The following SRPK2 variants were observed in gnomAD, a reference collection of about 807,000 sequenced individuals.
SRPK2 encodes SFRS protein kinase 2.
SRPK2 carries 21 observed loss-of-function variants against 90.8 expected under a neutral mutation model. The ratio of observed to expected loss-of-function variants is 0.23; its 90% CI spans 0.16 to 0.33. The LOEUF (loss-of-function observed/expected upper bound fraction) is 0.33, where lower values mean the gene tolerates loss of function less well. SRPK2 is among the 10% of genes least tolerant of loss of function. The probability of loss-of-function intolerance (pLI) is 1.00; values close to 1 mark genes in which losing one functional copy is unlikely to be tolerated. For missense variants in SRPK2, 620 were observed against 869.0 expected (o/e 0.71, Z 3.60); for synonymous variants, 288 against 311.1 (o/e 0.93, Z 0.78).
At chr7:105,301,380 G>A (rs1350310664) in intron 2 of SRPK2, 1 of 606,550 alleles carries the variant, frequency 1.6e-6, no homozygotes, top group African/African-American at 1.9e-5. Flanking sequence ...CGCACGATTG[G>A]CACCTGCCAG....
intron 15 of SRPK2, among the ~76,000 whole-genome samples, chr7:105,121,406 A>G (rs976284227): frequency 1.3e-5 from 2 of 152,148 alleles, no homozygotes; most frequent in Non-Finnish European, 2.9e-5. Context: ...AAGAAAATAT[A>G]TGAAGATGTG....
intron 2 of SRPK2, among the ~76,000 whole-genome samples, chr7:105,360,075 A>C (rs142425105): frequency 2.0e-5 from 3 of 152,318 alleles, no homozygotes; most frequent in African/African-American, 7.2e-5. Flanking sequence ...TATTGGGTGC[A>C]TACAGATTTA....
intron 2 of SRPK2, among the ~76,000 whole-genome samples, chr7:105,316,495 G>A (rs1354451247): frequency 6.6e-6 from 1 of 152,018 alleles, no homozygotes; most frequent in Non-Finnish European, 1.5e-5. Context: ...AAAAACCAGG[G>A]AGCCCACCAG....
At chr7:105,327,364 C>T (rs1049797244) in intron 2 of SRPK2, among the ~76,000 whole-genome samples, 1 of 152,324 alleles carries the variant, frequency 6.6e-6, no homozygotes, top group African/African-American at 2.4e-5. Context: ...TTCCACACTA[C>T]AATGGCAGAG....
At chr7:105,304,692 G>T (rs896530030) in intron 2 of SRPK2, among the ~76,000 whole-genome samples, 1 of 152,128 alleles carries the variant, frequency 6.6e-6, no homozygotes, top group Non-Finnish European at 1.5e-5. Context: ...ATGACTCAAA[G>T]AAAAACTGAT....
chr7:105,332,620 A>C (rs994350197), intron 2 of SRPK2, among the ~76,000 whole-genome samples: 1 of 151,184 alleles, frequency 6.6e-6, no homozygotes, highest in African/African-American at 2.4e-5. Context: ...AAAACTTAGC[A>C]AGGTGTGGTG....
At chr7:105,137,175 G>C (rs764504967) in intron 11 of SRPK2, among the ~76,000 whole-genome samples, 13 of 152,178 alleles carry the variant, frequency 8.5e-5, no homozygotes, top group Non-Finnish European at 1.5e-4. Context: ...GGCAGAAACA[G>C]GCTTGCAACT....
intron 2 of SRPK2, among the ~76,000 whole-genome samples, chr7:105,292,650 C>T (rs552492771): frequency 1.3e-5 from 2 of 152,290 alleles, no homozygotes; most frequent in Middle Eastern, 3.4e-3. Context: ...CATATTGGGA[C>T]AGCGCTTTTT....
intron 2 of SRPK2, among the ~76,000 whole-genome samples, chr7:105,293,647 T>C (rs1361848970): frequency 2.0e-5 from 3 of 152,100 alleles, no homozygotes; most frequent in Non-Finnish European, 4.4e-5. Context: ...CTCAAACTCC[T>C]GACCTCAGGT....
At chr7:105,125,904 G>C in intron 15 of SRPK2, 2 of 1,154,660 alleles carry the variant, frequency 1.7e-6, no homozygotes, top group Non-Finnish European at 2.3e-6. Context: ...CAGCAAAACA[G>C]AAACACACGA....
At chr7:105,376,882 TACACAC>T (rs34080086) in intron 2 of SRPK2, among the ~76,000 whole-genome samples, 42 of 121,044 alleles carry the variant, frequency 3.5e-4, no homozygotes, top group South Asian at 1.5e-3. Context: ...TTTTCTCCTT[TACACAC>T]ACACACACAC....
chr7:105,143,129 T>C lies in SRPK2; in HGVS notation c.1015A>G (p.Thr339Ala). The C allele has an allele frequency of 1.2e-6, 2 of 1,614,158 alleles. No individual in the cohort carries two copies. The highest frequency in any genetic ancestry group is 2.2e-5 in the East Asian group (1 of 44,888). ...GCCTCAGCCGCCTCCTCTAATCCTG[T>C]TGTTTTTAGTTTCACCTCTGGGCAG... ...EYCPEVKLKT[T>A]GLEEAAEAET... The change falls in exon 10 of 16, where the codon ACA becomes GCA. Residue 339 changes from threonine to alanine, a missense_variant. By Grantham distance (58) the Thr-to-Ala change is moderately conservative. Around this residue, in one of 8 missense-constraint regions of SRPK2, gnomAD observed 243 missense variants for 245.7 expected, o/e 0.99. Coordinates refer to ENST00000393651, the MANE Select transcript of SRPK2 (RefSeq NM_182692.3).
intron 7 of SRPK2, among the ~76,000 whole-genome samples, chr7:105,159,466 A>AAAAAC (rs1554428679): frequency 1.8e-5 from 2 of 114,230 alleles, no homozygotes; most frequent in South Asian, 2.7e-4. Context: ...AAAAAAAAAA[A>AAAAAC]AAAAAAACCG....
intron 2 of SRPK2, among the ~76,000 whole-genome samples, chr7:105,325,627 G>A (rs1813488226): frequency 6.7e-6 from 1 of 150,222 alleles, no homozygotes; most frequent in Non-Finnish European, 1.5e-5. Flanking sequence ...GGAGGCTTAG[G>A]CAGGAGGATC....
chr7:105,133,367 C>T (rs1388971661), intron 11 of SRPK2, among the ~76,000 whole-genome samples: 2 of 152,204 alleles, frequency 1.3e-5, no homozygotes, highest in African/African-American at 2.4e-5. Context: ...CCAGTTTCTT[C>T]GGGTCCAGGT....
At chr7:105,249,793 T>G (rs568269926) in intron 2 of SRPK2, among the ~76,000 whole-genome samples, 2 of 152,348 alleles carry the variant, frequency 1.3e-5, no homozygotes, top group Admixed American at 6.5e-5. Context: ...TAAAAAATAT[T>G]AAAATGCTAC....
chr7:105,333,603 T>C (rs1272930501), intron 2 of SRPK2, among the ~76,000 whole-genome samples: 1 of 152,192 alleles, frequency 6.6e-6, no homozygotes, highest in Non-Finnish European at 1.5e-5. Flanking sequence ...TGAGAGCCAA[T>C]CTCTTTCCTG....
chr7:105,273,564 T>C (rs147802307), intron 2 of SRPK2, among the ~76,000 whole-genome samples: 2 of 152,136 alleles, frequency 1.3e-5, no homozygotes, highest in African/African-American at 4.8e-5. Context: ...TAGCTGGGAT[T>C]ACAGGTGGGC....
chr7:105,355,079 T>C (rs1210573232), intron 2 of SRPK2, among the ~76,000 whole-genome samples: 1 of 152,234 alleles, frequency 6.6e-6, no homozygotes, highest in East Asian at 1.9e-4. Flanking sequence ...CAGTACTTCA[T>C]TATTTTTACT....
Sources: allele counts gnomAD v4.1 joint callset (sites outside exome capture counted in the v4.1 genomes callset), GRCh38; gene constraint gnomAD v4.1.1; regional missense constraint gnomAD v4.1.1; transcripts MANE v1.5; gene names NCBI Gene and HGNC (gene_info 2026-07-23, HGNC 2026-07-21).